Variants in IPO11 observed in about 807,000 individuals in gnomAD.
IPO11 encodes importin-11.
A neutral mutation model predicts 143.2 loss-of-function variants in IPO11; 66 were observed. That is an observed-to-expected ratio of 0.46 (90% CI 0.38 to 0.57). The LOEUF (loss-of-function observed/expected upper bound fraction) is 0.57. IPO11 is among the 20% of genes least tolerant of loss of function. IPO11 has a pLI of 0.00. For missense variants in IPO11, 1,026 were observed against 1,141.0 expected (o/e 0.90, Z 1.45); for synonymous variants, 385 against 377.8 (o/e 1.02, Z -0.22).
chr5:62,425,233 C>G (rs1456896028), intron 1 of IPO11, among the ~76,000 whole-genome samples: 1 of 152,202 alleles, frequency 6.6e-6, no homozygotes, highest in Non-Finnish European at 1.5e-5. Flanking sequence ...CTCGCTTCCT[C>G]CAACCCTCCT....
At chr5:62,516,051 G>A (rs549887903) in intron 20 of IPO11, among the ~76,000 whole-genome samples, 157 of 152,288 alleles carry the variant, frequency 1.0e-3, no homozygotes, top group African/African-American at 3.6e-3. Flanking sequence ...TCTGGTGAGA[G>A]TATGGTTAGG....
chr5:62,538,923 G>A (rs1317415592), intron 24 of IPO11, among the ~76,000 whole-genome samples: 1 of 152,226 alleles, frequency 6.6e-6, no homozygotes, highest in Non-Finnish European at 1.5e-5. Flanking sequence ...GGAGTAAGGA[G>A]AGAAATGCTG....
intron 1 of IPO11, among the ~76,000 whole-genome samples, chr5:62,432,833 C>T (rs1351967254): frequency 6.6e-6 from 1 of 152,220 alleles, no homozygotes; most frequent in African/African-American, 2.4e-5. Context: ...CTGCGTATTT[C>T]ATCATATCAG....
intron 1 of IPO11, among the ~76,000 whole-genome samples, chr5:62,420,871 AT>A (rs1337757959): frequency 2.0e-5 from 3 of 152,190 alleles, no homozygotes; most frequent in Non-Finnish European, 4.4e-5. Context: ...GTGAGCCGCC[AT>A]TTTTATGTGG....
At chr5:62,460,336 T>C (rs1352523692) in intron 5 of IPO11, among the ~76,000 whole-genome samples, 4 of 152,142 alleles carry the variant, frequency 2.6e-5, no homozygotes, top group Non-Finnish European at 4.4e-5. Context: ...CATTGACTTG[T>C]TAAAAAAAAA....
chr5:62,496,315 C>A (rs781639784), intron 16 of IPO11, among the ~76,000 whole-genome samples: 3 of 151,228 alleles, frequency 2.0e-5, no homozygotes, highest in Admixed American at 2.0e-4. Context: ...AAAAGAAGTA[C>A]GTTTGCATTA....
intron 26 of IPO11, among the ~76,000 whole-genome samples, chr5:62,552,976 CCTT>C (rs1743440604): frequency 6.6e-6 from 1 of 152,172 alleles, no homozygotes; most frequent in Non-Finnish European, 1.5e-5. Flanking sequence ...ACAACAGCCT[CCTT>C]CTAACTATTT....
Position 62,498,018 on chromosome 5 carries a change from GTTT to G in IPO11, c.1590+3904_1590+3906del, listed in dbSNP as rs991349145. The stretch of plus-strand genomic sequence containing the variant: ...ACTTGTGTATCTCTACTTGAATATT[GTTT>G]TTTTTTTTTGTTGTTGTTGTTGTTT... On this transcript the variant is annotated intron_variant, in intron 16 of 29. Coordinates refer to ENST00000325324, the MANE Select transcript of IPO11 (RefSeq NM_016338.5). 8.1e-5 allele frequency among the ~76,000 whole-genome samples: 12 copies of G among 148,270 alleles called. No homozygotes were observed. In the East Asian group the frequency reaches 1.6e-3, roughly 20 times the overall value.
intron 1 of IPO11, among the ~76,000 whole-genome samples, chr5:62,426,852 A>G (rs949642768): frequency 1.3e-5 from 2 of 149,282 alleles, no homozygotes; most frequent in East Asian, 1.9e-4. Flanking sequence ...AAAACAGACT[A>G]AGAGAGAATA....
intron 19 of IPO11, among the ~76,000 whole-genome samples, chr5:62,511,958 C>T (rs1182638880): frequency 1.3e-4 from 20 of 151,892 alleles, no homozygotes; most frequent in African/African-American, 3.4e-4. Context: ...AACTCAGATG[C>T]TTCCTCCATC....
At chr5:62,460,877 T>G (rs951818746) in intron 5 of IPO11, among the ~76,000 whole-genome samples, 7 of 152,204 alleles carry the variant, frequency 4.6e-5, no homozygotes, top group Admixed American at 2.0e-4. Flanking sequence ...TTACTTACTC[T>G]TTTCCAGCTG....
At chr5:62,483,711 TGGG>T (rs1164804372) in intron 10 of IPO11, among the ~76,000 whole-genome samples, 2 of 152,096 alleles carry the variant, frequency 1.3e-5, no homozygotes, top group Non-Finnish European at 2.9e-5. Flanking sequence ...GTCTTGGTGG[TGGG>T]GGAGAGAGAA....
chr5:62,529,555 C>T (rs1006382564), intron 21 of IPO11, among the ~76,000 whole-genome samples: 6 of 151,958 alleles, frequency 3.9e-5, no homozygotes, highest in Non-Finnish European at 7.4e-5. Context: ...TATATCAGTG[C>T]TATGTTTAAC....
chr5:62,593,516 G>T (rs974921091), intron 28 of IPO11, among the ~76,000 whole-genome samples: 3 of 152,112 alleles, frequency 2.0e-5, no homozygotes, highest in African/African-American at 7.2e-5. Context: ...AAAAAAAGTG[G>T]AGTGACACAG....
chr5:62,564,397 T>A (rs954996805), intron 27 of IPO11, among the ~76,000 whole-genome samples: 1 of 152,238 alleles, frequency 6.6e-6, no homozygotes, highest in Admixed American at 6.5e-5. Context: ...CAATGATGAT[T>A]TCTTATTTTT....
intron 20 of IPO11, among the ~76,000 whole-genome samples, chr5:62,521,518 T>C (rs773607912): frequency 1.3e-5 from 2 of 152,174 alleles, no homozygotes; most frequent in African/African-American, 2.4e-5. Context: ...TGTGTTCCTG[T>C]TTTCAGTTTC....
chr5:62,556,583 A>G (rs1044060464), intron 26 of IPO11, among the ~76,000 whole-genome samples: 5 of 152,166 alleles, frequency 3.3e-5, no homozygotes, highest in South Asian at 2.1e-4. Context: ...TACAAAAACT[A>G]AAAATAAATA....
At position 62,536,737 on chromosome 5, in the gene IPO11, A is replaced by G. The variant is rs768886723; in HGVS notation, c.2125A>G (p.Ile709Val). 2 of 1,578,438 alleles carry G rather than the reference A, an allele frequency of 1.3e-6. No homozygotes were observed. The highest frequency in any genetic ancestry group is 1.7e-6 in the Non-Finnish European group (2 of 1,167,244). The change falls in exon 23 of 30, where the codon ATC becomes GTC. Residue 709 changes from isoleucine (I) to valine (V), a missense_variant. Physicochemically the swap from Ile to Val is conservative, Grantham distance 29. This residue lies in a region of IPO11 where 351 missense variants were observed against 358.9 expected (regional missense o/e 0.98). Transcript: ENST00000325324. ...SSENLRTCFK[I>V]INGYIFLSST... is the part of the protein sequence containing the mutation. ...AGAAAATCTTAGAACTTGCTTTAAGATCATCAATGGTTATATCTTTTTATC... is the reference window on the plus strand; with the variant it reads ...AGAAAATCTTAGAACTTGCTTTAAGGTCATCAATGGTTATATCTTTTTATC...
intron 27 of IPO11, among the ~76,000 whole-genome samples, chr5:62,572,524 T>C (rs1276444939): frequency 6.7e-6 from 1 of 150,352 alleles, no homozygotes; most frequent in African/African-American, 2.4e-5. Flanking sequence ...ACACAATCAT[T>C]GTGTATATGT....
Sources: allele counts gnomAD v4.1 joint callset (sites outside exome capture counted in the v4.1 genomes callset), GRCh38; gene constraint gnomAD v4.1.1; regional missense constraint gnomAD v4.1.1; transcripts MANE v1.5; gene names NCBI Gene and HGNC (gene_info 2026-07-23, HGNC 2026-07-21).